Variants in NINL observed in about 807,000 individuals in gnomAD.
NINL encodes ninein-like protein.
NINL carries 153 observed loss-of-function variants against 160.3 expected under a neutral mutation model. That is an observed-to-expected ratio of 0.95 (90% CI 0.84 to 1.09). The LOEUF is 1.09. NINL is among the 50% of genes least tolerant of loss of function. The probability of loss-of-function intolerance (pLI) is 0.00; values close to 1 mark genes in which losing one functional copy is unlikely to be tolerated. For synonymous variants in NINL, 800 were observed against 734.8 expected, an observed-to-expected ratio of 1.09 and a Z score of -1.43; for missense variants, 1,829 against 1,764.0, an observed-to-expected ratio of 1.04 and a Z score of -0.66.
chr20:25,503,995 G>A lies in NINL; in HGVS notation c.818C>T (p.Ser273Phe), dbSNP rs749523467. 4.3e-6 allele frequency: 7 copies of A among 1,614,098 alleles called. 1 individual carries two copies. In the Admixed American group the frequency reaches 1.2e-4, roughly 27 times the overall value. The change falls in exon 7 of 24, where the codon TCT becomes TTT. Residue 273 changes from serine (S) to phenylalanine (F), a missense_variant. By Grantham distance (155) the Ser-to-Phe change is radical. Transcript: ENST00000278886. ...FSHEPALLLE[S>F]STRVKPSKAW... ...CTTGCTCGGTTTAACCCGAGTGGAAGACTCTAGAAGTAGCGCGGGCTCATG... is the reference window on the plus strand; with the variant it reads ...CTTGCTCGGTTTAACCCGAGTGGAAAACTCTAGAAGTAGCGCGGGCTCATG...
At chr20:25,540,341 CCAAA>C (rs887128258) in intron 1 of NINL, among the ~76,000 whole-genome samples, 5 of 152,170 alleles carry the variant, frequency 3.3e-5, no homozygotes, top group Admixed American at 2.0e-4. Flanking sequence ...AAGCCTGTCC[CCAAA>C]CAAACTGGAT....
In NINL at chr20:25,476,821, C is replaced by T; in HGVS notation, c.2470G>A (p.Ala824Thr). The part of the protein sequence containing the change: ...GKRVDGPSLE[A>T]EMQALPKDGL... ...TCTTTCGGCAGGGCCTGCATCTCTG[C>T]TTCCAGGGAGGGCCCGTCCACTCGC... The change falls in exon 17 of 24, where the codon GCA becomes ACA. Residue 824 changes from alanine to threonine, a missense_variant. Ala to Thr is a moderately conservative substitution (Grantham distance 58). Coordinates refer to ENST00000278886, the MANE Select transcript of NINL (RefSeq NM_025176.6). 1 of 1,613,254 alleles carries T rather than the reference C, an allele frequency of 6.2e-7. No homozygotes were observed. Among genetic ancestry groups the T allele is most frequent in the Non-Finnish European group, 8.5e-7 (1 of 1,179,932 alleles).
At position 25,477,188 on chromosome 20, in the gene NINL, C is replaced by T; in HGVS notation, c.2202-99G>A. On this transcript the variant is annotated intron_variant, in intron 16 of 23. Coordinates refer to ENST00000278886, the MANE Select transcript of NINL (RefSeq NM_025176.6). Reference sequence around the variant, plus strand: ...GCTGTTGCAACGGCTGCGACCTCCTCTCTGTGGTTGGCTTTCTTTATCCCT... The same window carrying T: ...GCTGTTGCAACGGCTGCGACCTCCTTTCTGTGGTTGGCTTTCTTTATCCCT... 5 of 1,172,784 alleles carry T rather than the reference C, an allele frequency of 4.3e-6. No homozygotes were observed. The South Asian group carries it at 4.7e-5, about 11-fold the overall frequency. 72.6% of individuals were successfully genotyped at this position (1,172,784 alleles called of 1,614,324 possible). A position where few individuals can be genotyped will look rare whatever the true frequency, so the allele number is the denominator to read the frequency against.
chr20:25,556,420 T>TTCA (rs780496610), intron 1 of NINL, among the ~76,000 whole-genome samples: 2 of 152,196 alleles, frequency 1.3e-5, no homozygotes, highest in Non-Finnish European at 2.9e-5. Context: ...GCCTAGGAGT[T>TTCA]TGAGACTAGC....
intron 1 of NINL, among the ~76,000 whole-genome samples, chr20:25,567,560 C>A (rs1205322191): frequency 2.0e-5 from 3 of 151,814 alleles, no homozygotes; most frequent in Non-Finnish European, 4.4e-5. Context: ...CTGCAGGAAC[C>A]CAAAACAAAG....
chr20:25,560,337 T>C (rs2064919942), intron 1 of NINL, among the ~76,000 whole-genome samples: 1 of 152,214 alleles, frequency 6.6e-6, no homozygotes, highest in Non-Finnish European at 1.5e-5. Context: ...AAGGTTATAA[T>C]GAGGGGGAGT....
chr20:25,558,512 T>G (rs1418473558), intron 1 of NINL, among the ~76,000 whole-genome samples: 1 of 152,230 alleles, frequency 6.6e-6, no homozygotes, highest in African/African-American at 2.4e-5. Context: ...TAATAATAAT[T>G]TATTTTACCC....
At chr20:25,572,525 T>G (rs1457922104) in intron 1 of NINL, among the ~76,000 whole-genome samples, 2 of 152,186 alleles carry the variant, frequency 1.3e-5, no homozygotes, top group Non-Finnish European at 2.9e-5. Context: ...GAAGGCACTA[T>G]TATTACCCAT....
intron 13 of NINL, among the ~76,000 whole-genome samples, chr20:25,483,617 C>T (rs2063445033): frequency 6.6e-6 from 1 of 152,236 alleles, no homozygotes; most frequent in Non-Finnish European, 1.5e-5. Flanking sequence ...CAGGTGGAGG[C>T]CGCGTGGGCG....
At position 25,470,062 on chromosome 20, in the gene NINL, A is replaced by C; in HGVS notation, c.3282T>G (p.Thr1094=). 2.5e-6 allele frequency: 4 copies of C among 1,614,104 alleles called. No homozygotes were observed. The highest frequency in any genetic ancestry group is 4.5e-5 in the East Asian group (2 of 44,878). ...LEFHRLSEEN[T]LLKNDLGRVR... ...CCCTTCCCAGATCGTTTTTCAACAA[A>C]GTGTTTTCTTCAGAAAGTCTATGGA... The change falls in exon 18 of 24, where the codon ACT becomes ACG. Residue 1094 remains threonine, a synonymous_variant. Transcript: ENST00000278886.
chr20:25,479,479 C>T (rs553340484), intron 15 of NINL, among the ~76,000 whole-genome samples: 1 of 152,314 alleles, frequency 6.6e-6, no homozygotes, highest in Non-Finnish European at 1.5e-5. Context: ...TTTGGCCAAG[C>T]ACTGCAAGGG....
In NINL at chr20:25,489,342, A is replaced by G; in HGVS notation, c.1597-18T>C. On this transcript the variant is annotated intron_variant, in intron 12 of 23. Transcript: ENST00000278886. ...GGCTCCAGCTGAAAGGCAGACACAA[A>G]GGAAGTCACGGGTGGGCCTCGGGCC... 6.2e-7 allele frequency: 1 copy of G among 1,612,230 alleles called. No individual in the cohort carries two copies. The highest frequency in any genetic ancestry group is 1.1e-5 in the South Asian group (1 of 91,070).
intron 1 of NINL, among the ~76,000 whole-genome samples, chr20:25,569,034 C>A (rs912918822): frequency 3.3e-5 from 5 of 151,600 alleles, no homozygotes; most frequent in African/African-American, 9.7e-5. Context: ...GTTTCTGAGA[C>A]CAGCCTGGCC....
intron 1 of NINL, among the ~76,000 whole-genome samples, chr20:25,564,155 CTT>C (rs974789146): frequency 1.5e-5 from 2 of 129,222 alleles, no homozygotes; most frequent in African/African-American, 2.8e-5. Flanking sequence ...TTTCTTTTTT[CTT>C]TTTTTTTTTT....
chr20:25,548,198 A>C (rs527631332), intron 1 of NINL, among the ~76,000 whole-genome samples: 1 of 152,302 alleles, frequency 6.6e-6, no homozygotes, highest in Admixed American at 6.5e-5. Flanking sequence ...ACTCCTGGGC[A>C]GCTGTGTGGC....
At chr20:25,562,858 G>T (rs1272807294) in intron 1 of NINL, among the ~76,000 whole-genome samples, 1 of 152,136 alleles carries the variant, frequency 6.6e-6, no homozygotes, top group Non-Finnish European at 1.5e-5. Flanking sequence ...CAGGAATAAA[G>T]GAAGAGCAAC....
chr20:25,584,771 C>A (rs1411911111), intron 1 of NINL, among the ~76,000 whole-genome samples: 1 of 152,220 alleles, frequency 6.6e-6, no homozygotes, highest in Non-Finnish European at 1.5e-5. Context: ...CCACACAGAG[C>A]TCCTAACAAT....
chr20:25,480,094 C>G (rs866886602), intron 15 of NINL, 67 bp downstream of exon 15: 1 of 1,159,780 alleles, frequency 8.6e-7, no homozygotes, highest in Non-Finnish European at 1.3e-6. Flanking sequence ...GTCAGCGTGC[C>G]CAAGTAAAGC....
chr20:25,535,710 A>C (rs1213900686), intron 1 of NINL, among the ~76,000 whole-genome samples: 1 of 152,132 alleles, frequency 6.6e-6, no homozygotes, highest in African/African-American at 2.4e-5. Flanking sequence ...AAAATAAAGA[A>C]AGAAAAGTGT....
Sources: allele counts gnomAD v4.1 joint callset (sites outside exome capture counted in the v4.1 genomes callset), GRCh38; gene constraint gnomAD v4.1.1; transcripts MANE v1.5; gene names NCBI Gene and HGNC (gene_info 2026-07-23, HGNC 2026-07-21).